The following PTK2 variants were observed in gnomAD, a reference collection of about 807,000 sequenced individuals.
PTK2 encodes the protein focal adhesion kinase 1.
Under a neutral mutation model 150.1 loss-of-function variants are expected in PTK2, and 45 were observed. The observed-to-expected ratio is 0.30, with a 90% CI of 0.24 to 0.38. PTK2 has a LOEUF of 0.38. PTK2 is among the 10% of genes least tolerant of loss of function. The pLI is 1.00. For synonymous variants in PTK2, 432 were observed against 449.2 expected, an observed-to-expected ratio of 0.96 and a Z score of 0.48; for missense variants, 919 against 1,307.3, an observed-to-expected ratio of 0.70 and a Z score of 4.58.
At chr8:140,672,975 A>G (rs1019170691) in intron 29 of PTK2, among the ~76,000 whole-genome samples, 14 of 152,190 alleles carry the variant, frequency 9.2e-5, no homozygotes, top group African/African-American at 3.1e-4. Context: ...TAATACATGA[A>G]AAAGGACTGC....
At chr8:140,776,298 T>A (rs565498802) in intron 14 of PTK2, among the ~76,000 whole-genome samples, 11 of 152,368 alleles carry the variant, frequency 7.2e-5, no homozygotes, top group Admixed American at 6.5e-4. Flanking sequence ...CCACCATACC[T>A]GGCCAATAGT....
chr8:140,841,913 T>C (rs151072001), intron 7 of PTK2, among the ~76,000 whole-genome samples: 124 of 151,754 alleles, frequency 8.2e-4, no homozygotes, highest in South Asian at 2.3e-3. Flanking sequence ...ATGCCTTACA[T>C]TGTTATTAAC....
At position 140,762,305 on chromosome 8, in the gene PTK2, C is replaced by T. The variant is rs547543530; in HGVS notation, c.1235-1043G>A. 74 of 980,840 alleles carry T rather than the reference C, an allele frequency of 7.5e-5. No individual in the cohort carries two copies. The African/African-American group carries it at 1.2e-3, about 15-fold the overall frequency. The allele number at this position is 980,840 out of a possible 1,614,324, so 60.8% of individuals were successfully genotyped here. A position where few individuals can be genotyped will look rare whatever the true frequency, so the allele number is the denominator to read the frequency against. ...ATAAGTTAACCAAAAACTGAAACAT[C>T]CCATATCACTCCACAGGTTGCAATT... On this transcript the variant is annotated intron_variant, in intron 15 of 31. Coordinates refer to ENST00000522684, the Ensembl canonical transcript of PTK2.
At chr8:140,933,189 TGA>T (rs1491301314) in intron 1 of PTK2, among the ~76,000 whole-genome samples, 3 of 17,430 alleles carry the variant, frequency 1.7e-4, no homozygotes, top group Non-Finnish European at 4.6e-4. Context: ...ACAACAGTAA[TGA>T]AAAAAAAAAA....
intron 16 of PTK2, among the ~76,000 whole-genome samples, chr8:140,756,468 T>G (rs1594113776): frequency 1.3e-5 from 2 of 151,096 alleles, no homozygotes; most frequent in South Asian, 4.2e-4. Context: ...GAGGCCGAGA[T>G]GGGCGGATCA....
At chr8:140,763,073 T>A (rs549771357) in intron 15 of PTK2, among the ~76,000 whole-genome samples, 1 of 152,340 alleles carries the variant, frequency 6.6e-6, no homozygotes, top group East Asian at 1.9e-4. Context: ...TGCGCCACCA[T>A]GCCAAAAAGT....
intron 8 of PTK2, among the ~76,000 whole-genome samples, chr8:140,822,609 T>C (rs1319225278): frequency 2.0e-5 from 3 of 152,208 alleles, no homozygotes; most frequent in Non-Finnish European, 4.4e-5. Context: ...CACCTCCTTT[T>C]CTAAGATGCT....
intron 4 of PTK2, among the ~76,000 whole-genome samples, chr8:140,866,209 A>G (rs34300742): frequency 0.015 from 2,305 of 152,328 alleles, 34 homozygotes; most frequent in South Asian, 0.04. Context: ...AACGATTCAA[A>G]CAGGTCCAAG....
intron 22 of PTK2, among the ~76,000 whole-genome samples, chr8:140,727,103 GT>G (rs968730514): frequency 2.0e-5 from 3 of 152,184 alleles, no homozygotes; most frequent in African/African-American, 7.2e-5. Context: ...TAAAATGCAA[GT>G]TTGAGAAAAA....
intron 31 of PTK2, among the ~76,000 whole-genome samples, chr8:140,660,055 T>C (rs914641193): frequency 6.6e-6 from 1 of 152,236 alleles, no homozygotes; most frequent in African/African-American, 2.4e-5. Flanking sequence ...GAAATTCAGC[T>C]ATTATAGTGT....
At chr8:140,872,771 C>T (rs964198493) in intron 4 of PTK2, among the ~76,000 whole-genome samples, 1 of 152,208 alleles carries the variant, frequency 6.6e-6, no homozygotes, top group Admixed American at 6.5e-5. Context: ...GTGTTCCCAA[C>T]AATCTCGTTA....
chr8:140,744,745 C>G, exon 19 of PTK2: 1 of 1,591,380 alleles, frequency 6.3e-7, no homozygotes, highest in Non-Finnish European at 8.6e-7. Context: ...ACTGTATTTC[C>G]TTACTTGCAA....
exon 21 of PTK2, chr8:140,739,028 T>C (rs769576601): frequency 6.4e-7 from 1 of 1,571,378 alleles, no homozygotes; most frequent in East Asian, 2.3e-5. Flanking sequence ...CAAACATCCA[T>C]ACGTCACTAG....
At chr8:140,670,043 A>G (rs1235230966) in intron 29 of PTK2, 2 of 330,312 alleles carry the variant, frequency 6.1e-6, no homozygotes, top group Non-Finnish European at 5.6e-6. Context: ...TGCAAGGTCA[A>G]CAGAATGAGA....
intron 11 of PTK2, among the ~76,000 whole-genome samples, chr8:140,801,032 C>T (rs760982258): frequency 2.6e-5 from 4 of 152,138 alleles, no homozygotes; most frequent in Non-Finnish European, 5.9e-5. Flanking sequence ...ATAGCATGTT[C>T]GCCCAAGGGC....
chr8:140,958,339 CCCACTATGTTA>C (rs1273091120), intron 1 of PTK2, among the ~76,000 whole-genome samples: 2 of 151,896 alleles, frequency 1.3e-5, no homozygotes, highest in African/African-American at 4.8e-5. Context: ...GAGACAGGGT[CCCACTATGTTA>C]CCCAGGCTGG....
At chr8:140,739,413 G>T (rs541581669) in intron 20 of PTK2, among the ~76,000 whole-genome samples, 2 of 152,176 alleles carry the variant, frequency 1.3e-5, no homozygotes, top group Admixed American at 1.3e-4. Flanking sequence ...TGCAGCTCTG[G>T]TATATAAGAT....
At position 140,874,306 on chromosome 8, in the gene PTK2, T is replaced by C. The variant is rs553515217; in HGVS notation, c.362+5165A>G. 2.0e-5 allele frequency among the ~76,000 whole-genome samples: 3 copies of C among 152,336 alleles called. No individual in the cohort carries two copies. The East Asian group carries it at 5.8e-4, about 29-fold the overall frequency. On this transcript the variant is annotated intron_variant, in intron 4 of 31. Transcript: ENST00000522684. ...TTTATTCAACAGTATGAATAGACTC[T>C]ATAGCAGATAGCACAAAAGAACAAG...
At chr8:140,952,742 G>A (rs531967004) in intron 1 of PTK2, among the ~76,000 whole-genome samples, 1 of 152,224 alleles carries the variant, frequency 6.6e-6, no homozygotes, top group South Asian at 2.1e-4. Context: ...GAACCTATCT[G>A]TCCTCCATTT....
Sources: allele counts gnomAD v4.1 joint callset (sites outside exome capture counted in the v4.1 genomes callset), GRCh38; gene constraint gnomAD v4.1.1; transcripts MANE v1.5; gene names NCBI Gene and HGNC (gene_info 2026-07-23, HGNC 2026-07-21).